The following SLC24A2 variants were observed in gnomAD, a reference collection of about 807,000 sequenced individuals.
The protein encoded by SLC24A2 is solute carrier family 24 member 2.
SLC24A2 carries 36 observed loss-of-function variants against 62.0 expected under a neutral mutation model. The ratio of observed to expected loss-of-function variants is 0.58; its 90% CI spans 0.44 to 0.77. The LOEUF (loss-of-function observed/expected upper bound fraction) is 0.77. Among genes scored for constraint, SLC24A2 ranks in the 30% least tolerant of loss-of-function variants. The pLI is 0.00. For missense variants in SLC24A2, 846 were observed against 817.9 expected (o/e 1.03, Z -0.42); for synonymous variants, 358 against 294.0 (o/e 1.22, Z -2.23).
At chr9:20,285,859 T>C in the SLC24A2 span, among the ~76,000 whole-genome samples, 1 of 152,054 alleles carries the variant, frequency 6.6e-6, no homozygotes, top group African/African-American at 2.4e-5. Flanking sequence ...GGAAGTCCAT[T>C]TGAGGACACA....
intron 7 of SLC24A2, among the ~76,000 whole-genome samples, chr9:19,563,248 C>T (rs1458447931): frequency 6.6e-6 from 1 of 152,040 alleles, no homozygotes; most frequent in African/African-American, 2.4e-5. Context: ...CGCTTTTCAC[C>T]AATGCCTCTA....
the SLC24A2 span, among the ~76,000 whole-genome samples, chr9:20,151,074 A>T: frequency 6.6e-6 from 1 of 151,900 alleles, no homozygotes; most frequent in Non-Finnish European, 1.5e-5. Flanking sequence ...AATGCTCAAG[A>T]ATCCTCTGTA....
At chr9:20,183,068 T>A in the SLC24A2 span, among the ~76,000 whole-genome samples, 1 of 152,176 alleles carries the variant, frequency 6.6e-6, no homozygotes, top group East Asian at 1.9e-4. Flanking sequence ...AAACACTCCC[T>A]GGGGAGACCA....
At chr9:20,118,220 C>A in the SLC24A2 span, among the ~76,000 whole-genome samples, 1 of 151,970 alleles carries the variant, frequency 6.6e-6, no homozygotes, top group Non-Finnish European at 1.5e-5. Flanking sequence ...TTATTTATTG[C>A]ACAAGAACTA....
the SLC24A2 span, among the ~76,000 whole-genome samples, chr9:20,177,952 A>G: frequency 7.8e-4 from 118 of 152,226 alleles, no homozygotes; most frequent in African/African-American, 2.6e-3. Context: ...ACCCCTATCT[A>G]TCTGCCTCCT....
intron 7 of SLC24A2, among the ~76,000 whole-genome samples, chr9:19,553,047 C>A (rs1011770296): frequency 6.6e-6 from 1 of 152,144 alleles, no homozygotes; most frequent in African/African-American, 2.4e-5. Flanking sequence ...GGGGCCAAGT[C>A]CTGCTACAGG....
chr9:19,818,501 A>C, the SLC24A2 span, among the ~76,000 whole-genome samples: 4 of 152,178 alleles, frequency 2.6e-5, no homozygotes, highest in South Asian at 8.3e-4. Flanking sequence ...AGAATTCAGC[A>C]AAGTTTCTGG....
At chr9:19,688,829 A>T (rs574350897) in intron 2 of SLC24A2, among the ~76,000 whole-genome samples, 1 of 152,260 alleles carries the variant, frequency 6.6e-6, no homozygotes, top group South Asian at 2.1e-4. Context: ...ATGCTCAGAG[A>T]TACCAGAATT....
At chr9:19,989,343 T>G in the SLC24A2 span, among the ~76,000 whole-genome samples, 1 of 152,112 alleles carries the variant, frequency 6.6e-6, no homozygotes, top group Non-Finnish European at 1.5e-5. Context: ...AATACTACAA[T>G]GAGAATGAGT....
At chr9:20,237,743 G>T in the SLC24A2 span, among the ~76,000 whole-genome samples, 1 of 152,084 alleles carries the variant, frequency 6.6e-6, no homozygotes, top group Non-Finnish European at 1.5e-5. Context: ...AAGTGCAGGG[G>T]GATAATTCAG....
the SLC24A2 span, among the ~76,000 whole-genome samples, chr9:19,807,829 G>C: frequency 6.6e-6 from 1 of 152,122 alleles, no homozygotes; most frequent in African/African-American, 2.4e-5. Flanking sequence ...TTCTTCATTT[G>C]TTCAGGGTCA....
At chr9:20,131,965 G>T in the SLC24A2 span, among the ~76,000 whole-genome samples, 3 of 152,244 alleles carry the variant, frequency 2.0e-5, no homozygotes, top group Admixed American at 2.0e-4. Context: ...GTAATTAAGT[G>T]TAATTGTTGT....
chr9:19,599,191 T>C lies in SLC24A2; in HGVS notation c.1079-1912A>G, dbSNP rs1261689455. On this transcript the variant is annotated intron_variant, in intron 4 of 10. Coordinates refer to ENST00000341998, the MANE Select transcript of SLC24A2 (RefSeq NM_020344.4). The surrounding 1 kb of genome is among the most constrained non-coding windows in gnomAD (Gnocchi z 4.5). ...CAGAATCAGGTATAAATAAATACATTCATATTGTTTAATTATCATTTTATT... is the reference window on the plus strand; with the variant it reads ...CAGAATCAGGTATAAATAAATACATCCATATTGTTTAATTATCATTTTATT... Among the ~76,000 whole-genome samples, 2 of 152,184 alleles carry C rather than the reference T, an allele frequency of 1.3e-5. No individual in the cohort carries two copies. Among genetic ancestry groups the C allele is most frequent in the African/African-American group, 4.8e-5 (2 of 41,444 alleles).
At chr9:19,829,375 T>G in the SLC24A2 span, among the ~76,000 whole-genome samples, 1 of 152,182 alleles carries the variant, frequency 6.6e-6, no homozygotes, top group Non-Finnish European at 1.5e-5. Flanking sequence ...TTGAGAAGAC[T>G]AAATGATTTG....
At chr9:19,601,301 T>G (rs553798923) in intron 4 of SLC24A2, among the ~76,000 whole-genome samples, 21 of 152,210 alleles carry the variant, frequency 1.4e-4, no homozygotes, top group African/African-American at 5.1e-4. Context: ...CAGGGAGGAT[T>G]GAAAAAAGAG....
chr9:19,636,280 TC>T (rs780407129), intron 2 of SLC24A2, among the ~76,000 whole-genome samples: 82 of 6,894 alleles, frequency 0.012, 6 homozygotes, highest in Middle Eastern at 0.056. Flanking sequence ...CTTCTTCTCT[TC>T]TTCTCTTCTT....
intron 2 of SLC24A2, among the ~76,000 whole-genome samples, chr9:19,720,701 A>C (rs867670319): frequency 0.15 from 3,056 of 20,364 alleles, 48 homozygotes; most frequent in Admixed American, 0.26. Context: ...CCCCCCCCCC[A>C]AAAAAAATCA....
At chr9:20,191,733 G>C in the SLC24A2 span, among the ~76,000 whole-genome samples, 1 of 151,526 alleles carries the variant, frequency 6.6e-6, no homozygotes, top group Admixed American at 6.6e-5. Context: ...TGCCCTCTAA[G>C]GGATGCTATG....
intron 2 of SLC24A2, among the ~76,000 whole-genome samples, chr9:19,761,656 C>A (rs572307879): frequency 6.6e-6 from 1 of 151,906 alleles, no homozygotes; most frequent in South Asian, 2.1e-4. Context: ...ACAACAGTCC[C>A]ATGTGTGATG....
Sources: gnomAD v4.1 joint callset for allele counts (sites outside exome capture counted in the v4.1 genomes callset) on GRCh38, gnomAD v4.1.1 for gene constraint, Gnocchi (gnomAD v3.1) non-coding constraint, MANE v1.5 for transcripts, NCBI Gene and HGNC (gene_info 2026-07-23, HGNC 2026-07-21) for gene names.